The following ANGPTL2 variants were observed in gnomAD, a reference collection of about 807,000 sequenced individuals.
The protein encoded by ANGPTL2 is angiopoietin like 2, also known as angiopoietin-related protein 2.
A neutral mutation model predicts 52.8 loss-of-function variants in ANGPTL2; 25 were observed. That is an observed-to-expected ratio of 0.47 (90% CI 0.35 to 0.66). The LOEUF is 0.66. ANGPTL2 is among the 30% of genes least tolerant of loss of function. The pLI is 0.01. For missense variants in ANGPTL2, 546 were observed against 656.9 expected (o/e 0.83, Z 1.84); for synonymous variants, 276 against 277.4 (o/e 1.00, Z 0.05).
chr9:127,105,111 C>T (rs1487305460), intron 2 of ANGPTL2, among the ~76,000 whole-genome samples: 1 of 152,208 alleles, frequency 6.6e-6, no homozygotes, highest in Admixed American at 6.5e-5. Flanking sequence ...CACAGCTAGG[C>T]ACTCAATCCC....
intron 1 of ANGPTL2, among the ~76,000 whole-genome samples, chr9:127,116,747 C>T (rs545860355): frequency 6.6e-6 from 1 of 152,330 alleles, no homozygotes; most frequent in African/African-American, 2.4e-5. Context: ...GTTCCTCAAA[C>T]ACTGGGACAA....
intron 2 of ANGPTL2, among the ~76,000 whole-genome samples, chr9:127,095,662 TG>T (rs974092751): frequency 1.3e-5 from 2 of 152,170 alleles, no homozygotes; most frequent in African/African-American, 4.8e-5. Flanking sequence ...TCTCTTTCTG[TG>T]TGAGTTGAAG....
At chr9:127,094,253 T>G (rs963680693) in intron 2 of ANGPTL2, among the ~76,000 whole-genome samples, 1 of 152,160 alleles carries the variant, frequency 6.6e-6, no homozygotes, top group Non-Finnish European at 1.5e-5. Context: ...CATATAGTGT[T>G]GTCAGGATTA....
chr9:127,113,606 C>A (rs1005440763), intron 1 of ANGPTL2, among the ~76,000 whole-genome samples: 1 of 145,036 alleles, frequency 6.9e-6, no homozygotes, highest in African/African-American at 2.5e-5. Flanking sequence ...CAAAGAAAAG[C>A]AAATCCAACT....
At chr9:127,097,348 T>A (rs1054349580) in intron 2 of ANGPTL2, among the ~76,000 whole-genome samples, 27 of 152,246 alleles carry the variant, frequency 1.8e-4, no homozygotes, top group African/African-American at 6.5e-4. Context: ...TGTAGAAATG[T>A]TTAGTATTTT....
intron 2 of ANGPTL2, among the ~76,000 whole-genome samples, chr9:127,106,762 C>T: frequency 6.6e-6 from 1 of 152,228 alleles, no homozygotes; most frequent in Non-Finnish European, 1.5e-5. Flanking sequence ...CTGCACTGGC[C>T]ACCCTCCTGC....
chr9:127,108,078 G>A lies in ANGPTL2; in HGVS notation c.654C>T (p.Pro218=), dbSNP rs1219056486. The A allele has an allele frequency of 1.6e-5, 26 of 1,610,460 alleles. No individual in the cohort carries two copies. Among genetic ancestry groups the A allele is most frequent in the African/African-American group, 2.7e-5 (2 of 74,834 alleles). Residue 218 remains proline, a synonymous_variant, in exon 2 of 5, where the codon CCC becomes CCT. Transcript: ENST00000373425. ...PSARPVPQPP[P]AAPPRVYQPP... is the part of the protein sequence containing the mutation. ...GTTGGTAGACCCGGGGCGGGGCAGC[G>A]GGGGGTGGCTGGGGGACGGGCCTGG...
chr9:127,109,338 T>C (rs1312484743), intron 1 of ANGPTL2, among the ~76,000 whole-genome samples: 2 of 152,254 alleles, frequency 1.3e-5, no homozygotes, highest in African/African-American at 2.4e-5. Flanking sequence ...CAACCCTGTA[T>C]TCCCAGGATA....
rs1194271374 is a variant in ANGPTL2 at position 127,107,888 on chromosome 9, A to C, written c.817+27T>G. 2.0e-6 allele frequency: 3 copies of C among 1,515,436 alleles called. No homozygotes were observed. In the African/African-American group the frequency reaches 4.2e-5, roughly 21 times the overall value. 93.9% of individuals were successfully genotyped at this position (1,515,436 alleles called of 1,614,324 possible). ...CCTGGTGCCTGGCTCTGAGACCCAC[A>C]TGTAACACGATCCCAGAAGCACTTA... On this transcript the variant is annotated intron_variant, in intron 2 of 4. Transcript: ENST00000373425.
At chr9:127,092,061 A>G in intron 3 of ANGPTL2, 121 bp from the exon 4 acceptor site, 9 of 1,251,086 alleles carry the variant, frequency 7.2e-6, no homozygotes, top group Non-Finnish European at 1.0e-5. Context: ...CATGAAGCAG[A>G]CCTGGTTCAG....
intron 2 of ANGPTL2, among the ~76,000 whole-genome samples, chr9:127,097,117 A>G (rs571420913): frequency 1.3e-5 from 2 of 152,376 alleles, no homozygotes; most frequent in African/African-American, 4.8e-5. Flanking sequence ...AGCCAGCGAA[A>G]AAAATAAAAC....
intron 1 of ANGPTL2, among the ~76,000 whole-genome samples, chr9:127,118,263 T>C (rs978067100): frequency 1.3e-5 from 2 of 152,182 alleles, no homozygotes; most frequent in Non-Finnish European, 2.9e-5. Context: ...CCCCCAACAC[T>C]GTTATGAACT....
rs547935730 is a variant in ANGPTL2 at position 127,120,918 on chromosome 9, G to A, written c.-50+1397C>T. Among the ~76,000 whole-genome samples, 30 of 152,146 alleles carry A rather than the reference G, an allele frequency of 2.0e-4. 1 individual carries two copies. In the South Asian group the frequency reaches 6.2e-3, roughly 32 times the overall value. On this transcript the variant is annotated intron_variant, in intron 1 of 4. Transcript: ENST00000373425. Reference sequence around the variant, plus strand: ...TGGTTTGTAATCATCAGTGACCAAGGTTTGCTCAGGGTTTGCTGTGCACCA... The same window carrying A: ...TGGTTTGTAATCATCAGTGACCAAGATTTGCTCAGGGTTTGCTGTGCACCA...
intron 1 of ANGPTL2, among the ~76,000 whole-genome samples, chr9:127,114,940 G>A (rs1035299657): frequency 6.6e-6 from 1 of 152,228 alleles, no homozygotes; most frequent in Non-Finnish European, 1.5e-5. Flanking sequence ...CTAAGCTGTT[G>A]AAATGTATGG....
intron 2 of ANGPTL2, among the ~76,000 whole-genome samples, chr9:127,102,443 C>T (rs949178520): frequency 6.6e-6 from 1 of 152,130 alleles, no homozygotes; most frequent in Admixed American, 6.5e-5. Context: ...CCACAGATGC[C>T]TGATCTCTAG....
intron 2 of ANGPTL2, among the ~76,000 whole-genome samples, chr9:127,097,101 C>T (rs1199325993): frequency 6.6e-6 from 1 of 152,204 alleles, no homozygotes; most frequent in African/African-American, 2.4e-5. Context: ...TTAATCTTTG[C>T]CAGTCAGCCA....
chr9:127,117,947 AG>A (rs960476454), intron 1 of ANGPTL2, among the ~76,000 whole-genome samples: 1 of 152,202 alleles, frequency 6.6e-6, no homozygotes, highest in Non-Finnish European at 1.5e-5. Context: ...ACTAGGCAGC[AG>A]GGGGTTGCTG....
intron 2 of ANGPTL2, 26 bp downstream of exon 2, chr9:127,107,889 T>C (rs1589516110): frequency 6.6e-6 from 10 of 1,516,110 alleles, no homozygotes; most frequent in Middle Eastern, 2.0e-4. Context: ...GAGACCCACA[T>C]GTAACACGAT....
chr9:127,088,903 G>C lies in ANGPTL2; in HGVS notation c.*36C>G. ...GCCAGCGTGACCAGGGTGGGCTCCT[G>C]GCAATGGCCACGAGAGGTCAGGAGG... is the stretch of plus-strand genomic sequence containing the variant. On this transcript the variant is annotated 3_prime_UTR_variant, in exon 5 of 5. Transcript: ENST00000373425. The C allele has an allele frequency of 6.2e-7, 1 of 1,613,560 alleles. No individual in the cohort carries two copies. Among genetic ancestry groups the C allele is most frequent in the South Asian group, 1.1e-5 (1 of 91,034 alleles).
Sources: gnomAD v4.1 joint callset for allele counts (sites outside exome capture counted in the v4.1 genomes callset) on GRCh38, gnomAD v4.1.1 for gene constraint, MANE v1.5 for transcripts, NCBI Gene and HGNC (gene_info 2026-07-23, HGNC 2026-07-21) for gene names.